Variants in CEP41 observed in about 807,000 individuals in gnomAD.
CEP41 encodes the protein centrosomal protein of 41 kDa.
A neutral mutation model predicts 44.3 loss-of-function variants in CEP41; 32 were observed. That is an observed-to-expected ratio of 0.72 (90% CI 0.54 to 0.97). CEP41 has a LOEUF of 0.97. Among genes scored for constraint, CEP41 ranks in the 50% least tolerant of loss-of-function variants. The pLI, the probability that CEP41 is intolerant of heterozygous loss-of-function variation, is 0.00. For missense variants in CEP41, 432 were observed against 455.2 expected, an observed-to-expected ratio of 0.95 and a Z score of 0.46; for synonymous variants, 151 against 168.5, an observed-to-expected ratio of 0.90 and a Z score of 0.80.
chr7:130,439,798 G>A (rs540740476), intron 1 of CEP41, among the ~76,000 whole-genome samples: 6 of 151,994 alleles, frequency 3.9e-5, no homozygotes, highest in Non-Finnish European at 1.5e-5. Flanking sequence ...TCCTACAGGG[G>A]CCTGTTCTGA....
At chr7:130,399,902 C>A in intron 10 of CEP41, 137 bp downstream of exon 10, 1 of 749,542 alleles carries the variant, frequency 1.3e-6, no homozygotes, top group Non-Finnish European at 2.4e-6. Flanking sequence ...ACCTCCACTG[C>A]CTCCCCTCCC....
intron 2 of CEP41, chr7:130,422,108 T>C (rs1797527313): frequency 7.3e-7 from 1 of 1,369,408 alleles, no homozygotes; most frequent in African/African-American, 1.5e-5. Flanking sequence ...GAGCCAGAGG[T>C]ATAAAAACAA....
At chr7:130,419,971 A>C (rs1797453318) in intron 2 of CEP41, 2 of 985,024 alleles carry the variant, frequency 2.0e-6, no homozygotes, top group African/African-American at 1.8e-5. Flanking sequence ...ACACACACAC[A>C]CGTATGAATA....
intron 5 of CEP41, among the ~76,000 whole-genome samples, chr7:130,410,705 T>G (rs1554419403): frequency 6.6e-6 from 1 of 152,084 alleles, no homozygotes; most frequent in African/African-American, 2.4e-5. Flanking sequence ...CCTTAGTAAT[T>G]TTGTGGTACT....
Position 130,394,527 on chromosome 7 carries a change from T to C in CEP41, c.*4364A>G. On this transcript the variant is annotated 3_prime_UTR_variant, in exon 11 of 11. Coordinates refer to ENST00000223208, the MANE Select transcript of CEP41 (RefSeq NM_018718.3). Reference sequence around the variant, plus strand: ...TTGCGTGCTGAATTTGGGAGGATACTTTAAGCCTGGCAGAGACAGGGTAAT... The same window carrying C: ...TTGCGTGCTGAATTTGGGAGGATACCTTAAGCCTGGCAGAGACAGGGTAAT... 1 of 454,088 alleles carries C rather than the reference T, an allele frequency of 2.2e-6. No homozygotes were observed. Among genetic ancestry groups the C allele is most frequent in the Non-Finnish European group, 4.4e-6 (1 of 226,778 alleles). The allele number at this position is 454,088 out of a possible 1,614,324, so 28.1% of individuals were successfully genotyped here.
In CEP41 at chr7:130,422,108, T is replaced by G. The variant is rs1797527313; in HGVS notation, c.98-5142A>C. On this transcript the variant is annotated intron_variant, in intron 2 of 10. Coordinates refer to ENST00000223208, the MANE Select transcript of CEP41 (RefSeq NM_018718.3). Reference sequence around the variant, plus strand: ...TTCATATGAGAAGCAGAGCCAGAGGTATAAAAACAAAAAATAATCTTTAAC... The same window carrying G: ...TTCATATGAGAAGCAGAGCCAGAGGGATAAAAACAAAAAATAATCTTTAAC... 2.3e-5 allele frequency: 31 copies of G among 1,369,434 alleles called. 1 individual carries two copies. In the South Asian group the frequency reaches 4.2e-4, roughly 18 times the overall value. The allele number at this position is 1,369,434 out of a possible 1,614,324, so 84.8% of individuals were successfully genotyped here.
Position 130,400,691 on chromosome 7 carries a change from G to C in CEP41, c.757+16C>G, listed in dbSNP as rs782114874. The C allele has an allele frequency of 6.6e-7, 1 of 1,518,550 alleles. No individual in the cohort carries two copies. Among genetic ancestry groups the C allele is most frequent in the South Asian group, 1.1e-5 (1 of 87,470 alleles). The allele number at this position is 1,518,550 out of a possible 1,614,324, so 94.1% of individuals were successfully genotyped here. On this transcript the variant is annotated intron_variant, in intron 9 of 10. Transcript: ENST00000223208. ...ATCAGCCTTTGAAGTCCCAAGCAGA[G>C]TATCACCTTGCTCACCTCCGGAAAG... is the stretch of plus-strand genomic sequence containing the variant.
Position 130,395,934 on chromosome 7 carries a change from C to T in CEP41, c.*2957G>A, listed in dbSNP as rs576335320. 66 of 451,972 alleles carry T rather than the reference C, an allele frequency of 1.5e-4. No individual in the cohort carries two copies. The highest frequency in any genetic ancestry group is 1.0e-3 in the South Asian group (64 of 63,358). 28.0% of individuals were successfully genotyped at this position (451,972 alleles called of 1,614,324 possible). A position where few individuals can be genotyped will look rare whatever the true frequency, so the allele number is the denominator to read the frequency against. On this transcript the variant is annotated 3_prime_UTR_variant, in exon 11 of 11. Transcript: ENST00000223208. ...ATGAATGCAGGCCATTTAAATCATT[C>T]CATACTTTTTCAAGAGATTGAGCCT...
chr7:130,413,876 T>C (rs1395835996), intron 3 of CEP41, among the ~76,000 whole-genome samples: 1 of 152,210 alleles, frequency 6.6e-6, no homozygotes, highest in Non-Finnish European at 1.5e-5. Context: ...GTTTTTATAT[T>C]GGTACCCATG....
chr7:130,432,470 G>A (rs1463265376), intron 1 of CEP41, among the ~76,000 whole-genome samples: 3 of 151,708 alleles, frequency 2.0e-5, no homozygotes, highest in Admixed American at 6.6e-5. Context: ...TGGAACTATC[G>A]GCTGGGCACA....
intron 3 of CEP41, among the ~76,000 whole-genome samples, chr7:130,415,132 T>C (rs1414637207): frequency 1.3e-5 from 2 of 152,236 alleles, no homozygotes; most frequent in African/African-American, 4.8e-5. Context: ...AAAGGATTTC[T>C]GCATTTTCAG....
chr7:130,395,680 G>A lies in CEP41; in HGVS notation c.*3211C>T. On this transcript the variant is annotated 3_prime_UTR_variant, in exon 11 of 11. Transcript: ENST00000223208. Reference sequence around the variant, plus strand: ...CTCTGATTTCACTTACATTCCACAAGGGAATTAGAGAAAACACGATTTTTT... The same window carrying A: ...CTCTGATTTCACTTACATTCCACAAAGGAATTAGAGAAAACACGATTTTTT... The A allele has an allele frequency of 2.2e-6, 1 of 453,716 alleles. No homozygotes were observed. The highest frequency in any genetic ancestry group is 4.4e-6 in the Non-Finnish European group (1 of 226,710). 28.1% of individuals were successfully genotyped at this position (453,716 alleles called of 1,614,324 possible). A position where few individuals can be genotyped will look rare whatever the true frequency, so the allele number is the denominator to read the frequency against.
chr7:130,399,287 C>T (rs1796769670), intron 10 of CEP41: 1 of 535,844 alleles, frequency 1.9e-6, no homozygotes, highest in Admixed American at 3.1e-5. Context: ...CCAACATCCC[C>T]AACAAACCTA....
In CEP41 at chr7:130,396,222, T is replaced by C. The variant is rs905679390; in HGVS notation, c.*2669A>G. The C allele has an allele frequency of 2.0e-5, 9 of 453,970 alleles. No homozygotes were observed. Among genetic ancestry groups the C allele is most frequent in the Non-Finnish European group, 3.1e-5 (7 of 226,800 alleles). The allele number at this position is 453,970 out of a possible 1,614,324, so 28.1% of individuals were successfully genotyped here. On this transcript the variant is annotated 3_prime_UTR_variant, in exon 11 of 11. Transcript: ENST00000223208. The stretch of plus-strand genomic sequence containing the variant: ...GTACATCGATGAAGCACCTTCTGTC[T>C]CAGGGTTCACAAGCCCCAGACAAGG...
chr7:130,398,082 G>A lies in CEP41; in HGVS notation c.*809C>T, dbSNP rs781880458. The A allele has an allele frequency of 7.7e-5, 35 of 453,962 alleles. No homozygotes were observed. The highest frequency in any genetic ancestry group is 2.2e-4 in the African/African-American group (11 of 49,998). The allele number at this position is 453,962 out of a possible 1,614,324, so 28.1% of individuals were successfully genotyped here. On this transcript the variant is annotated 3_prime_UTR_variant, in exon 11 of 11. Transcript: ENST00000223208. ...GATGGACTGAAGCTGGGCAATGGGC[G>A]TCATAACTGATATACTGACCACAAG...
rs782070060 is a variant in CEP41, at chr7:130,412,193, T to C, written c.193A>G (p.Thr65Ala). 6.4e-7 allele frequency: 1 copy of C among 1,552,948 alleles called. No individual in the cohort carries two copies. Among genetic ancestry groups the C allele is most frequent in the Admixed American group, 1.7e-5 (1 of 59,958 alleles). The change falls in exon 4 of 11, where the codon ACT (threonine) becomes GCT (alanine). Residue 65 changes from threonine to alanine, a missense_variant. By Grantham distance (58) the Thr-to-Ala change is moderately conservative (BLOSUM62 0). Coordinates refer to ENST00000223208, the MANE Select transcript of CEP41 (RefSeq NM_018718.3). Reference sequence around the variant, plus strand: ...AAGAAACTTACCAGCTGGGCAAAAGTTGTAACTTTTAGTCTCTTGAAAAGC... The same window carrying C: ...AAGAAACTTACCAGCTGGGCAAAAGCTGTAACTTTTAGTCTCTTGAAAAGC... ...DELFKRLKVT[T>A]FAQLIIQVAS... is the part of the protein sequence containing the mutation.
upstream of CEP41, chr7:130,441,200 T>G (rs1030238807): frequency 5.9e-6 from 4 of 675,392 alleles, no homozygotes; most frequent in Non-Finnish European, 1.1e-5. Context: ...TAGCGAGGCC[T>G]TTTGTTCTCT....
rs138768326 is a variant in CEP41 at position 130,395,126 on chromosome 7, C to A, written c.*3765G>T. The A allele has an allele frequency of 0.014, 6,548 of 454,110 alleles. 86 individuals are homozygous for A. Among genetic ancestry groups the A allele is most frequent in the Middle Eastern group, 0.027 (39 of 1,444 alleles). 28.1% of individuals were successfully genotyped at this position (454,110 alleles called of 1,614,324 possible). On this transcript the variant is annotated 3_prime_UTR_variant, in exon 11 of 11. Coordinates refer to ENST00000223208, the MANE Select transcript of CEP41 (RefSeq NM_018718.3). ...CACCATTACATTTTTTATGTTGTAA[C>A]TGACCTGTGTATCCATTTAAAGATG...
At chr7:130,417,009 G>A in intron 2 of CEP41, 43 bp from the exon 3 acceptor site, 1 of 1,430,118 alleles carries the variant, frequency 7.0e-7, no homozygotes, top group Non-Finnish European at 9.9e-7. Flanking sequence ...TTAAATGGAA[G>A]CAAATGAGTA....
Sources: allele counts gnomAD v4.1 joint callset (sites outside exome capture counted in the v4.1 genomes callset), GRCh38; gene constraint gnomAD v4.1.1; transcripts MANE v1.5; gene names NCBI Gene and HGNC (gene_info 2026-07-23, HGNC 2026-07-21).